Variants in ARHGDIB observed in about 807,000 individuals in gnomAD.
The protein encoded by ARHGDIB is Rho GDP dissociation inhibitor beta, also known as rho GDP-dissociation inhibitor 2.
A neutral mutation model predicts 22.6 loss-of-function variants in ARHGDIB; 20 were observed. The ratio of observed to expected loss-of-function variants is 0.88; its 90% CI spans 0.62 to 1.28. ARHGDIB has a LOEUF of 1.28. ARHGDIB is among the 50% of genes most tolerant of loss of function. The pLI is 0.00. For missense variants in ARHGDIB, 254 were observed against 245.4 expected (o/e 1.04, Z -0.23); for synonymous variants, 114 against 96.1 (o/e 1.19, Z -1.09).
At chr12:14,942,906 T>C (rs1192954865) in intron 5 of ARHGDIB, among the ~76,000 whole-genome samples, 185 bp from the exon 6 acceptor site, 1 of 152,020 alleles carries the variant, frequency 6.6e-6, no homozygotes, top group Admixed American at 6.5e-5. Context: ...TTTGCTCTTG[T>C]TGTCCAGGCT....
At chr12:14,950,485 T>G in intron 2 of ARHGDIB, 47 bp downstream of exon 2, 2 of 1,536,076 alleles carry the variant, frequency 1.3e-6, no homozygotes, top group Non-Finnish European at 1.8e-6. Flanking sequence ...AATGTCTTCT[T>G]CCCTCTCAGC....
At chr12:14,953,362 A>T (rs1864225334) in intron 1 of ARHGDIB, among the ~76,000 whole-genome samples, 1 of 152,218 alleles carries the variant, frequency 6.6e-6, no homozygotes, top group African/African-American at 2.4e-5. Context: ...TAATAATACA[A>T]CAAATAAAGG....
intron 3 of ARHGDIB, among the ~76,000 whole-genome samples, chr12:14,948,550 A>G (rs1048771301): frequency 3.3e-5 from 5 of 152,232 alleles, no homozygotes; most frequent in Admixed American, 2.0e-4. Context: ...CACTGAAGTT[A>G]TAAAAGCTTC....
In ARHGDIB at chr12:14,942,445, G is replaced by A. The variant is rs1381258943; in HGVS notation, c.*77C>T. 6.7e-7 allele frequency: 1 copy of A among 1,501,672 alleles called. No homozygotes were observed. The highest frequency in any genetic ancestry group is 9.2e-7 in the Non-Finnish European group (1 of 1,082,556). The allele number at this position is 1,501,672 out of a possible 1,614,324, so 93.0% of individuals were successfully genotyped here. On this transcript the variant is annotated 3_prime_UTR_variant, in exon 6 of 6. Coordinates refer to ENST00000228945, the MANE Select transcript of ARHGDIB (RefSeq NM_001175.7). ...TTGAAGAGGGACCCAGCTGTGGACAGGGAGGAGGGACAGGGTGCTGAACAC... is the reference window on the plus strand; with the variant it reads ...TTGAAGAGGGACCCAGCTGTGGACAAGGAGGAGGGACAGGGTGCTGAACAC...
intron 1 of ARHGDIB, among the ~76,000 whole-genome samples, chr12:14,952,407 G>C (rs1272018422): frequency 1.3e-5 from 2 of 151,982 alleles, no homozygotes; most frequent in Admixed American, 1.3e-4. Flanking sequence ...GCAATGCCCA[G>C]GTTCACTTCC....
chr12:14,947,888 GA>G lies in ARHGDIB; in HGVS notation c.326del (p.Val109AlafsTer7). On this transcript the variant is annotated frameshift_variant, in exon 4 of 6. Transcript: ENST00000228945. LOFTEE classifies it high-confidence loss of function. ...IVLKEGSEYR[V>X]KIHFKVNRDI... is the part of the protein sequence containing the mutation. ...GGATACTTACTTTGAAGTGAATTTTGACTCTATATTCAGAACCTTCCTTTAA... is the reference window on the plus strand; with the variant it reads ...GGATACTTACTTTGAAGTGAATTTTGCTCTATATTCAGAACCTTCCTTTAA... 6.2e-7 allele frequency: 1 copy of G among 1,611,806 alleles called. No individual in the cohort carries two copies. Among genetic ancestry groups the G allele is most frequent in the Non-Finnish European group, 8.5e-7 (1 of 1,177,956 alleles).
chr12:14,959,540 G>A (rs557501727), intron 1 of ARHGDIB, among the ~76,000 whole-genome samples: 1 of 152,250 alleles, frequency 6.6e-6, no homozygotes, highest in Admixed American at 6.5e-5. Context: ...ATGAATGTTG[G>A]TTCTCCTTTT....
At chr12:14,946,440 T>A (rs1864016787) in intron 4 of ARHGDIB, among the ~76,000 whole-genome samples, 1 of 152,226 alleles carries the variant, frequency 6.6e-6, no homozygotes, top group African/African-American at 2.4e-5. Flanking sequence ...TCAAGAGACT[T>A]CAGTGAAGAT....
intron 1 of ARHGDIB, among the ~76,000 whole-genome samples, chr12:14,951,671 T>G (rs117921749): frequency 0.024 from 3,091 of 129,196 alleles, 94 homozygotes; most frequent in Middle Eastern, 0.057. Context: ...CTTCATCTCT[T>G]ATTATCTACA....
chr12:14,947,636 C>A, intron 4 of ARHGDIB: 1 of 459,548 alleles, frequency 2.2e-6, no homozygotes, highest in South Asian at 3.1e-5. Flanking sequence ...CAGAGGGATC[C>A]CATTGGCTTA....
intron 3 of ARHGDIB, 150 bp from the exon 4 acceptor site, chr12:14,948,099 T>TGCGC (rs367794422): frequency 0.05 from 15,290 of 304,210 alleles, 930 homozygotes; most frequent in Non-Finnish European, 0.064. Context: ...GTTTAGTCCT[T>TGCGC]GCACACACAC....
chr12:14,947,424 C>T (rs1864044017), intron 4 of ARHGDIB, among the ~76,000 whole-genome samples: 1 of 152,158 alleles, frequency 6.6e-6, no homozygotes, highest in Non-Finnish European at 1.5e-5. Context: ...TTTTCTTTTC[C>T]TATTGGTTGA....
intron 1 of ARHGDIB, among the ~76,000 whole-genome samples, chr12:14,954,194 G>A (rs1327486726): frequency 6.6e-6 from 1 of 152,074 alleles, no homozygotes; most frequent in African/African-American, 2.4e-5. Context: ...GCCCAGGCTG[G>A]TCTTGAACAC....
At chr12:14,943,587 C>A (rs1863935195) in intron 5 of ARHGDIB, among the ~76,000 whole-genome samples, 3 of 151,756 alleles carry the variant, frequency 2.0e-5, no homozygotes, top group Admixed American at 2.0e-4. Context: ...ATGAACATAT[C>A]AGTTGGGGGA....
intron 1 of ARHGDIB, among the ~76,000 whole-genome samples, chr12:14,954,371 A>G (rs1183632306): frequency 3.3e-5 from 5 of 152,350 alleles, no homozygotes. Context: ...TTGAAGCAGA[A>G]GATATCAGGT....
chr12:14,944,927 G>A (rs922793028), intron 4 of ARHGDIB, 88 bp from the exon 5 acceptor site: 67 of 1,110,942 alleles, frequency 6.0e-5, no homozygotes, highest in East Asian at 3.1e-4. Context: ...TAGCTGAATC[G>A]TCTCTGACAA....
intron 4 of ARHGDIB, among the ~76,000 whole-genome samples, chr12:14,947,115 G>A (rs1231364413): frequency 8.5e-5 from 13 of 152,216 alleles, no homozygotes; most frequent in Non-Finnish European, 1.5e-4. Flanking sequence ...CCAGGCCCTG[G>A]AGACTGAGGC....
chr12:14,952,769 C>T (rs10492147), intron 1 of ARHGDIB, among the ~76,000 whole-genome samples: 36,331 of 152,118 alleles, frequency 0.24, 4,525 homozygotes, highest in Middle Eastern at 0.3. Context: ...ATCGGAACAA[C>T]GGTTCATAGA....
intron 3 of ARHGDIB, 107 bp downstream of exon 3, chr12:14,949,695 T>A: frequency 1.0e-6 from 1 of 964,858 alleles, no homozygotes; most frequent in Admixed American, 1.8e-5. Flanking sequence ...CTAGCATATA[T>A]ATCTCTCTGA....
Sources: gnomAD v4.1 joint callset for allele counts (sites outside exome capture counted in the v4.1 genomes callset) on GRCh38, gnomAD v4.1.1 for gene constraint, MANE v1.5 for transcripts, NCBI Gene and HGNC (gene_info 2026-07-23, HGNC 2026-07-21) for gene names.